The following LRRC4C variants were observed in gnomAD, a reference collection of about 807,000 sequenced individuals.
LRRC4C encodes leucine-rich repeat-containing protein 4C.
LRRC4C carries 5 observed loss-of-function variants against 33.6 expected under a neutral mutation model. The observed-to-expected ratio is 0.15, with a 90% CI of 0.08 to 0.31. The LOEUF is 0.31. Ranked by LOEUF, LRRC4C falls within the 10% of genes least tolerant of loss-of-function variation. LRRC4C has a pLI of 1.00. For missense variants in LRRC4C, 560 were observed against 796.7 expected (o/e 0.70, Z 3.58); for synonymous variants, 329 against 302.0 (o/e 1.09, Z -0.93).
chr11:40,146,179 T>A (rs1356556165), intron 5 of LRRC4C, among the ~76,000 whole-genome samples: 1 of 152,146 alleles, frequency 6.6e-6, no homozygotes, highest in African/African-American at 2.4e-5. Flanking sequence ...GAAGGATGGA[T>A]CAGGACTGGA....
chr11:40,578,059 C>A (rs1404786974), intron 3 of LRRC4C, among the ~76,000 whole-genome samples: 3 of 148,678 alleles, frequency 2.0e-5, no homozygotes, highest in Non-Finnish European at 3.0e-5. Flanking sequence ...TGGTCTCAAT[C>A]TCCTGACCTT....
intron 3 of LRRC4C, among the ~76,000 whole-genome samples, chr11:40,615,795 G>T (rs1961749952): frequency 6.6e-6 from 1 of 151,652 alleles, no homozygotes; most frequent in Non-Finnish European, 1.5e-5. Flanking sequence ...CATTTTCATG[G>T]CTTCTGGGGC....
rs377033012 is a variant in LRRC4C at position 40,323,426 on chromosome 11, C to A, written c.-269-3705G>T. Among the ~76,000 whole-genome samples the A allele has an allele frequency of 2.6e-5, 4 of 152,302 alleles. No individual in the cohort carries two copies. The East Asian group carries it at 5.8e-4, about 22-fold the overall frequency. On this transcript the variant is annotated intron_variant, in intron 3 of 6. Coordinates refer to ENST00000528697, the MANE Select transcript of LRRC4C (RefSeq NM_001258419.2). ...ATGTTTAGGACGATGTCTCTTCTTGCCAACTTGGAACAGAGTCTATTGACT... is the reference window on the plus strand; with the variant it reads ...ATGTTTAGGACGATGTCTCTTCTTGACAACTTGGAACAGAGTCTATTGACT...
At chr11:40,647,448 C>T (rs1049189056) in intron 3 of LRRC4C, among the ~76,000 whole-genome samples, 4 of 152,008 alleles carry the variant, frequency 2.6e-5, no homozygotes, top group African/African-American at 7.3e-5. Flanking sequence ...AGGTGTGAGT[C>T]CCCTTGACTC....
Position 40,643,297 on chromosome 11 carries a change from A to T in LRRC4C, c.-270+4845T>A, listed in dbSNP as rs2132218. On this transcript the variant is annotated intron_variant, in intron 3 of 6. Coordinates refer to ENST00000528697, the MANE Select transcript of LRRC4C (RefSeq NM_001258419.2). ...TAACACTTTCATCCACCCATACATA[A>T]GAGAAAAATGTATGGCCTTATCCTC... Among the ~76,000 whole-genome samples the T allele has an allele frequency of 2.9e-3, 440 of 152,236 alleles. 2 individuals are homozygous for T. Among genetic ancestry groups the T allele is most frequent in the African/African-American group, 1.0e-2 (414 of 41,570 alleles).
At chr11:40,740,976 T>C (rs752005745) in intron 2 of LRRC4C, among the ~76,000 whole-genome samples, 10 of 152,100 alleles carry the variant, frequency 6.6e-5, no homozygotes, top group Non-Finnish European at 1.2e-4. Context: ...GTTCAACTGG[T>C]CTTTATGTCT....
chr11:41,333,236 T>C (rs911953104), intron 1 of LRRC4C, among the ~76,000 whole-genome samples: 4 of 152,210 alleles, frequency 2.6e-5, no homozygotes, highest in African/African-American at 9.6e-5. Context: ...TATTTTGTAA[T>C]GCATCAGTCA....
chr11:40,645,279 C>T (rs945520928), intron 3 of LRRC4C, among the ~76,000 whole-genome samples: 14 of 152,132 alleles, frequency 9.2e-5, no homozygotes, highest in Non-Finnish European at 1.5e-4. Flanking sequence ...ATCATATTCT[C>T]TCTTTTGAAA....
At chr11:41,323,497 G>A (rs1951018323) in intron 1 of LRRC4C, among the ~76,000 whole-genome samples, 1 of 152,190 alleles carries the variant, frequency 6.6e-6, no homozygotes, top group South Asian at 2.1e-4. Context: ...TCAACACCAA[G>A]TGAAGAGAAA....
chr11:40,419,487 T>G (rs1950446746), intron 3 of LRRC4C, among the ~76,000 whole-genome samples: 1 of 152,050 alleles, frequency 6.6e-6, no homozygotes, highest in Non-Finnish European at 1.5e-5. Context: ...CAGAAGATAG[T>G]GGAACAACAT....
chr11:41,408,498 C>G (rs1954326318), intron 1 of LRRC4C, among the ~76,000 whole-genome samples: 1 of 152,010 alleles, frequency 6.6e-6, no homozygotes, highest in Admixed American at 6.6e-5. Context: ...GCTCATCTAT[C>G]CCACCTGTAC....
At chr11:40,263,536 C>A (rs138131270) in intron 4 of LRRC4C, among the ~76,000 whole-genome samples, 2 of 150,956 alleles carry the variant, frequency 1.3e-5, no homozygotes, top group Non-Finnish European at 2.9e-5. Context: ...GTTTTGGGGG[C>A]GGGGGATGGG....
chr11:40,517,642 C>T (rs539132317), intron 3 of LRRC4C, among the ~76,000 whole-genome samples: 2 of 151,864 alleles, frequency 1.3e-5, no homozygotes, highest in South Asian at 4.2e-4. Context: ...GGTTTAGGCA[C>T]TGGAATCAAC....
intron 1 of LRRC4C, among the ~76,000 whole-genome samples, chr11:41,000,389 T>C (rs1054991818): frequency 6.6e-6 from 1 of 152,214 alleles, no homozygotes; most frequent in Non-Finnish European, 1.5e-5. Flanking sequence ...ACAAAATGCC[T>C]ATTAGAATAG....
intron 1 of LRRC4C, among the ~76,000 whole-genome samples, chr11:41,262,253 AT>A (rs1338436825): frequency 6.6e-6 from 1 of 152,016 alleles, no homozygotes; most frequent in Non-Finnish European, 1.5e-5. Context: ...TCATTTTCAT[AT>A]TTTCTGGCTG....
intron 1 of LRRC4C, among the ~76,000 whole-genome samples, chr11:41,092,689 T>A (rs1202853959): frequency 6.6e-6 from 1 of 152,222 alleles, no homozygotes; most frequent in Non-Finnish European, 1.5e-5. Context: ...CCAACTGTAC[T>A]GTCCAGTATT....
At chr11:40,662,432 A>G (rs570814660) in intron 2 of LRRC4C, among the ~76,000 whole-genome samples, 2 of 152,192 alleles carry the variant, frequency 1.3e-5, no homozygotes, top group Non-Finnish European at 2.9e-5. Flanking sequence ...GGAAGACACA[A>G]TGAGAAAAGA....
intron 1 of LRRC4C, among the ~76,000 whole-genome samples, chr11:41,041,722 A>C (rs114929051): frequency 9.6e-4 from 146 of 152,244 alleles, no homozygotes; most frequent in African/African-American, 3.4e-3. Context: ...CATATACTCA[A>C]ACACATTTAT....
At chr11:40,714,265 AT>A (rs1946604988) in intron 2 of LRRC4C, among the ~76,000 whole-genome samples, 1 of 152,174 alleles carries the variant, frequency 6.6e-6, no homozygotes, top group African/African-American at 2.4e-5. Flanking sequence ...TTACCATGAT[AT>A]TGTACAAGAA....
Sources: allele counts gnomAD v4.1 joint callset (sites outside exome capture counted in the v4.1 genomes callset), GRCh38; gene constraint gnomAD v4.1.1; transcripts MANE v1.5; gene names NCBI Gene and HGNC (gene_info 2026-07-23, HGNC 2026-07-21).